TMEM131: variants seen among roughly 807,000 people sequenced by gnomAD.
The protein encoded by TMEM131 is 2610524E03Rik.
TMEM131 carries 66 observed loss-of-function variants against 211.6 expected under a neutral mutation model. The ratio of observed to expected loss-of-function variants is 0.31; its 90% confidence interval spans 0.26 to 0.38. TMEM131 has a LOEUF of 0.38. Ranked by LOEUF, TMEM131 falls within the 10% of genes least tolerant of loss-of-function variation. The pLI is 1.00. For missense variants in TMEM131, 2,036 were observed against 2,299.3 expected (o/e 0.89, Z 2.34); for synonymous variants, 844 against 841.3 (o/e 1.00, Z -0.06).
chr2:97,800,229 T>C (rs1395603560), intron 25 of TMEM131, among the ~76,000 whole-genome samples: 1 of 152,124 alleles, frequency 6.6e-6, no homozygotes, highest in African/African-American at 2.4e-5. Context: ...TCTATAGCAC[T>C]GTAGAGATGC....
rs192290256 is a variant in TMEM131, at chr2:97,930,629, T to C, written c.188-3142A>G. On this transcript the variant is annotated intron_variant, in intron 1 of 40. Transcript: ENST00000186436. ...GTATTTTGCTTTAAACAGCCAATTA[T>C]AATACCTTTCAATTATATGCCTCAA... Among the ~76,000 whole-genome samples, 474 of 151,880 alleles carry C rather than the reference T, an allele frequency of 3.1e-3. 16 individuals carry two copies. The highest frequency in any genetic ancestry group is 9.9e-3 in the African/African-American group (409 of 41,202).
chr2:97,793,429 G>A lies in TMEM131; in HGVS notation c.3511C>T (p.Leu1171Phe), dbSNP rs1680597445. The A allele has an allele frequency of 6.2e-7, 1 of 1,613,852 alleles. No individual in the cohort carries two copies. The highest frequency in any genetic ancestry group is 8.5e-7 in the Non-Finnish European group (1 of 1,179,840). Reference sequence around the variant, plus strand: ...GATGAAATACCAACGATTCTCCTGAGATCAAATGGCCTTCCCACATCGAAG... The same window carrying A: ...GATGAAATACCAACGATTCTCCTGAAATCAAATGGCCTTCCCACATCGAAG... ...PPFDVGRPFDLRRIVGISSEG... is the reference protein window; with the variant it reads ...PPFDVGRPFDFRRIVGISSEG... The change falls in exon 30 of 41, where the codon CTC becomes TTC. Residue 1171 changes from leucine to phenylalanine, a missense_variant. Physicochemically the swap from Leu to Phe is conservative, Grantham distance 22 (BLOSUM62 0). Around this residue, in one of 3 missense-constraint regions of TMEM131, gnomAD observed 1,623 missense variants for 1,805.9 expected, o/e 0.90. Transcript: ENST00000186436.
intron 1 of TMEM131, among the ~76,000 whole-genome samples, chr2:97,963,003 G>C (rs1317966898): frequency 3.3e-5 from 5 of 152,206 alleles, no homozygotes; most frequent in Admixed American, 2.0e-4. Context: ...CCTGAGACCA[G>C]TGATGAGGAA....
intron 5 of TMEM131, among the ~76,000 whole-genome samples, chr2:97,856,913 ATTTT>A (rs1015255338): frequency 6.6e-6 from 1 of 152,190 alleles, no homozygotes; most frequent in African/African-American, 2.4e-5. Flanking sequence ...TTAAATGTGG[ATTTT>A]GATAGGTGTA....
At chr2:97,927,541 A>G (rs1677043005) in intron 1 of TMEM131, 54 bp from the exon 2 acceptor site, 2 of 1,408,446 alleles carry the variant, frequency 1.4e-6, no homozygotes, top group Admixed American at 4.9e-5. Flanking sequence ...TTTGATTTTC[A>G]TAACATCTTT....
At chr2:97,954,347 A>T (rs1423897729) in intron 1 of TMEM131, among the ~76,000 whole-genome samples, 1 of 152,252 alleles carries the variant, frequency 6.6e-6, no homozygotes, top group African/African-American at 2.4e-5. Context: ...TATAGCCATT[A>T]GAAGATTACT....
At chr2:97,859,475 G>C in intron 4 of TMEM131, 48 bp from the exon 5 acceptor site, 1 of 1,443,180 alleles carries the variant, frequency 6.9e-7, no homozygotes, top group Non-Finnish European at 9.2e-7. Context: ...AGATAATTCT[G>C]ATTATTTCTA....
chr2:97,957,058 C>T (rs1045215509), intron 1 of TMEM131, among the ~76,000 whole-genome samples: 218 of 150,202 alleles, frequency 1.5e-3, no homozygotes, highest in African/African-American at 4.9e-3. Context: ...GATCGCGCCA[C>T]TGCACTCCAG....
chr2:97,835,501 T>A (rs973996627), intron 8 of TMEM131, among the ~76,000 whole-genome samples: 1 of 152,220 alleles, frequency 6.6e-6, no homozygotes, highest in South Asian at 2.1e-4. Context: ...AACATTTATA[T>A]ACTAAAAGGA....
chr2:97,917,858 T>C (rs1287222492), intron 2 of TMEM131, among the ~76,000 whole-genome samples: 1 of 152,196 alleles, frequency 6.6e-6, no homozygotes, highest in Non-Finnish European at 1.5e-5. Context: ...CTGACCACCA[T>C]GTGACCCAAC....
At chr2:97,970,825 A>G (rs34503448) in intron 1 of TMEM131, among the ~76,000 whole-genome samples, 41,255 of 152,046 alleles carry the variant, frequency 0.27, 7,853 homozygotes, top group Non-Finnish European at 0.39. Context: ...AGTAGAAGCA[A>G]GCAGAACGCA....
At position 97,793,378 on chromosome 2, in the gene TMEM131, C is replaced by A; in HGVS notation, c.3545+17G>T. The A allele has an allele frequency of 6.3e-7, 1 of 1,597,918 alleles. No homozygotes were observed. Among genetic ancestry groups the A allele is most frequent in the Non-Finnish European group, 8.5e-7 (1 of 1,169,626 alleles). ...TCTATGTACACTAGGGAATTTATTG[C>A]CAGCATGTGAACATACTTTCCTTCA... is the stretch of plus-strand genomic sequence containing the variant. On this transcript the variant is annotated intron_variant, in intron 30 of 40. Coordinates refer to ENST00000186436, the MANE Select transcript of TMEM131 (RefSeq NM_015348.2).
At chr2:97,783,110 A>G (rs1474076733) in intron 31 of TMEM131, among the ~76,000 whole-genome samples, 2 of 152,176 alleles carry the variant, frequency 1.3e-5, no homozygotes, top group Non-Finnish European at 2.9e-5. Flanking sequence ...CTATAAGGAA[A>G]ATACAATTAG....
chr2:97,759,087 T>C, intron 39 of TMEM131, 34 bp from the exon 40 acceptor site: 3 of 1,613,746 alleles, frequency 1.9e-6, no homozygotes, highest in Non-Finnish European at 2.5e-6. Flanking sequence ...AAGTCCATAT[T>C]TGGTTTTGCC....
intron 3 of TMEM131, among the ~76,000 whole-genome samples, chr2:97,900,045 C>T (rs970131582): frequency 2.0e-5 from 3 of 152,064 alleles, no homozygotes; most frequent in East Asian, 1.9e-4. Context: ...GTAGCCTAGT[C>T]TCCCCTTAAA....
intron 12 of TMEM131, among the ~76,000 whole-genome samples, chr2:97,817,448 T>G (rs1482007624): frequency 1.3e-5 from 2 of 152,130 alleles, no homozygotes; most frequent in East Asian, 1.9e-4. Context: ...ATTAGCCGCC[T>G]CCTCCTCTGT....
At chr2:97,957,851 T>G (rs936227898) in intron 1 of TMEM131, among the ~76,000 whole-genome samples, 1 of 152,148 alleles carries the variant, frequency 6.6e-6, no homozygotes, top group African/African-American at 2.4e-5. Context: ...AAAAGATAAC[T>G]TTTAACTAAA....
At chr2:97,957,697 T>G (rs1678634476) in intron 1 of TMEM131, among the ~76,000 whole-genome samples, 1 of 152,228 alleles carries the variant, frequency 6.6e-6, no homozygotes, top group South Asian at 2.1e-4. Context: ...GGACAAAAGT[T>G]TCCTGTTTTG....
intron 3 of TMEM131, among the ~76,000 whole-genome samples, chr2:97,891,858 T>C (rs1041375854): frequency 1.3e-5 from 2 of 152,002 alleles, no homozygotes; most frequent in African/African-American, 4.8e-5. Context: ...GTAAGCAGAA[T>C]GGACCCCAGA....
Sources: gnomAD v4.1 joint callset for allele counts (sites outside exome capture counted in the v4.1 genomes callset) on GRCh38, gnomAD v4.1.1 for gene constraint, gnomAD v4.1.1 regional missense constraint, MANE v1.5 for transcripts, NCBI Gene and HGNC (gene_info 2026-07-23, HGNC 2026-07-21) for gene names.